The following TPM2 variants were observed in gnomAD, a reference collection of about 807,000 sequenced individuals.
TPM2 encodes the protein tropomyosin 2, also known as tropomyosin beta chain.
A neutral mutation model predicts 41.0 loss-of-function variants in TPM2; 26 were observed. The observed-to-expected ratio is 0.63, with a 90% CI of 0.46 to 0.88. TPM2 has a LOEUF of 0.88. Among genes scored for constraint, TPM2 ranks in the 40% least tolerant of loss-of-function variants. The probability of loss-of-function intolerance (pLI) is 0.00; values close to 1 mark genes in which losing one functional copy is unlikely to be tolerated. For missense variants in TPM2, 187 were observed against 355.2 expected, an observed-to-expected ratio of 0.53 and a Z score of 3.81; for synonymous variants, 143 against 139.3, an observed-to-expected ratio of 1.03 and a Z score of -0.19.
rs1317075931 is a variant in TPM2 at position 35,689,003 on chromosome 9, C to T, written c.240+143G>A. 4.1e-6 allele frequency: 4 copies of T among 975,070 alleles called. No individual in the cohort carries two copies. The East Asian group carries it at 9.7e-5, about 24-fold the overall frequency. 60.4% of individuals were successfully genotyped at this position (975,070 alleles called of 1,614,324 possible). ...GATTACTTGTGTAAGTTTACCCTAG[C>T]CCTGGTTACTGAGATGAAACCATTT... On this transcript the variant is annotated intron_variant, in intron 2 of 8. Coordinates refer to ENST00000645482, the MANE Select transcript of TPM2 (RefSeq NM_003289.4).
In TPM2 at chr9:35,689,903, G is replaced by A. The variant is rs1441223471; in HGVS notation, c.-86C>T. On this transcript the variant is annotated 5_prime_UTR_variant, in exon 1 of 9. Coordinates refer to ENST00000645482, the MANE Select transcript of TPM2 (RefSeq NM_003289.4). ...GAGCGGACTGGGTGCACCGGTGGCA[G>A]GCGAGGAGGACGGAGCGGGACTGGG... The A allele has an allele frequency of 1.8e-5, 29 of 1,605,784 alleles. No homozygotes were observed. Among genetic ancestry groups the A allele is most frequent in the Middle Eastern group, 1.6e-4 (1 of 6,062 alleles).
chr9:35,689,023 C>A, intron 2 of TPM2, 123 bp downstream of exon 2: 1 of 1,199,268 alleles, frequency 8.3e-7, no homozygotes. Context: ...TGAGATGAAA[C>A]CATTTCTCTC....
At chr9:35,682,212 A>T, downstream of TPM2, 3 of 1,597,758 alleles carry the variant, frequency 1.9e-6, no homozygotes, top group Non-Finnish European at 1.7e-6. Flanking sequence ...CAAGGGGGAG[A>T]CGTGGGGAGG....
rs748423632 is a variant in TPM2 at position 35,689,841 on chromosome 9, C to T, written c.-24G>A. 4 of 1,613,092 alleles carry T rather than the reference C, an allele frequency of 2.5e-6. No individual in the cohort carries two copies. The Admixed American group carries it at 6.7e-5, about 27-fold the overall frequency. ...ATGGCTGCGGTGGGGGGTGGGCCGG[C>T]CGGCAGGCGGTGAGGACCGGACGGA... On this transcript the variant is annotated 5_prime_UTR_variant, in exon 1 of 9. Coordinates refer to ENST00000645482, the MANE Select transcript of TPM2 (RefSeq NM_003289.4).
chr9:35,687,416 C>G (rs907792205), intron 2 of TPM2, among the ~76,000 whole-genome samples: 1 of 152,024 alleles, frequency 6.6e-6, no homozygotes, highest in Non-Finnish European at 1.5e-5. Context: ...ACACAGAGAC[C>G]CTGAGATTTC....
At chr9:35,683,770 T>C (rs557078527) in intron 8 of TPM2, among the ~76,000 whole-genome samples, 2 of 152,376 alleles carry the variant, frequency 1.3e-5, no homozygotes, top group East Asian at 3.9e-4. Flanking sequence ...AAATAGTGTT[T>C]TCTATTAGTG....
chr9:35,682,676 G>A, downstream of TPM2: 2 of 1,311,704 alleles, frequency 1.5e-6, no homozygotes, highest in Non-Finnish European at 2.0e-6. Flanking sequence ...CCAGCTAAGT[G>A]CTCTGAGGTC....
In TPM2 at chr9:35,683,161, A is replaced by C; in HGVS notation, c.853T>G (p.Ter285GlyextTer?). ...DNALNDITSL[*>G] ...AGGTGGCCACGCTGGCGTGGGGCTC[A>C]GAGGGAGGTGATGTCATTGAGTGCG... The change falls in exon 9 of 9, where the codon TGA (stop) becomes GGA (glycine). Residue 285 changes from the stop codon to glycine, a stop_lost. Transcript: ENST00000645482. 1 of 1,552,934 alleles carries C rather than the reference A, an allele frequency of 6.4e-7. No individual in the cohort carries two copies. Among genetic ancestry groups the C allele is most frequent in the Non-Finnish European group, 8.7e-7 (1 of 1,147,130 alleles).
At chr9:35,689,575 G>T (rs1825134312) in intron 1 of TPM2, 129 bp downstream of exon 1, 1 of 1,538,050 alleles carries the variant, frequency 6.5e-7, no homozygotes. Flanking sequence ...AGGGTACTGC[G>T]AAGGCCCAGC....
intron 8 of TPM2, chr9:35,683,938 A>G (rs1824722952): frequency 4.9e-6 from 2 of 408,260 alleles, no homozygotes; most frequent in African/African-American, 4.1e-5. Flanking sequence ...AGTACCAGAG[A>G]ACTAGCTAGA....
At position 35,685,664 on chromosome 9, in the gene TPM2, C is replaced by G. The variant is rs376028030; in HGVS notation, c.357G>C (p.Ala119=). 6.2e-7 allele frequency: 1 copy of G among 1,614,094 alleles called. No homozygotes were observed. The highest frequency in any genetic ancestry group is 8.5e-7 in the Non-Finnish European group (1 of 1,180,018). Residue 119 remains alanine, a synonymous_variant, in exon 3 of 9, where the codon GCG becomes GCC. Coordinates refer to ENST00000645482, the MANE Select transcript of TPM2 (RefSeq NM_003289.4). This position sits in a 1 kb window ranked among gnomAD's most constrained non-coding sequence, Gnocchi z 5.0. The part of the protein sequence containing the change: ...ALQKLEEAEK[A]ADESERGMKV... The stretch of plus-strand genomic sequence containing the variant: ...CTGACCACCTCTCGCTCTCATCAGC[C>G]GCCTTCTCGGCCTCCTCCAGCTTCT...
Position 35,685,349 on chromosome 9 carries a change from G to A in TPM2, c.493-10C>T, listed in dbSNP as rs770755856. ...CCAGCTTCCTGGCCACCTGTGGGGA[G>A]TGAGAAAGAGAGGGTAGATCAGTGG... On this transcript the variant is annotated splice_polypyrimidine_tract_variant and intron_variant, in intron 4 of 8. Transcript: ENST00000645482. This position sits in a 1 kb window ranked among gnomAD's most constrained non-coding sequence, Gnocchi z 5.0. The A allele has an allele frequency of 1.1e-5, 18 of 1,613,204 alleles. No homozygotes were observed. The highest frequency in any genetic ancestry group is 1.4e-5 in the Non-Finnish European group (17 of 1,180,010).
chr9:35,683,103 A>G lies in TPM2; in HGVS notation c.*56T>C, dbSNP rs1370462336. ...CTCCTGCCTGCTCCCCTCCCCATAG[A>G]GAGAATGGAAAGGAGAGGAGAGAAG... On this transcript the variant is annotated 3_prime_UTR_variant, in exon 9 of 9. Transcript: ENST00000645482. 1.9e-6 allele frequency: 3 copies of G among 1,551,576 alleles called. No individual in the cohort carries two copies. In the East Asian group the frequency reaches 7.3e-5, roughly 38 times the overall value.
At chr9:35,682,109 T>A (rs761096174), downstream of TPM2, 2 of 1,614,192 alleles carry the variant, frequency 1.2e-6, no homozygotes, top group Non-Finnish European at 1.7e-6. Flanking sequence ...CAGCAGGGTC[T>A]GGTCCAAGGT....
chr9:35,687,776 C>A (rs200000757), intron 2 of TPM2, among the ~76,000 whole-genome samples: 1 of 151,750 alleles, frequency 6.6e-6, no homozygotes. Flanking sequence ...GGTGGGGTGA[C>A]AAAAGACTCT....
At chr9:35,686,333 T>C (rs1563929876) in intron 2 of TPM2, 1 of 175,604 alleles carries the variant, frequency 5.7e-6, no homozygotes, top group Non-Finnish European at 1.2e-5. Flanking sequence ...TGTGCACAGT[T>C]AGTCTCCCAA....
Position 35,685,550 on chromosome 9 carries a change from C to G in TPM2, c.376G>C (p.Gly126Arg), listed in dbSNP as rs1255616100. 6.2e-7 allele frequency: 1 copy of G among 1,614,214 alleles called. No homozygotes were observed. Among genetic ancestry groups the G allele is most frequent in the East Asian group, 2.2e-5 (1 of 44,878 alleles). Reference sequence around the variant, plus strand: ...GCCCGGTTTTCGATGACCTTCATTCCTCTGAAAGGCAGGGAGAGGGTGAGC... The same window carrying G: ...GCCCGGTTTTCGATGACCTTCATTCGTCTGAAAGGCAGGGAGAGGGTGAGC... ...AEKAADESER[G>R]MKVIENRAMK... is the part of the protein sequence containing the mutation. The change falls in exon 4 of 9, where the codon GGA becomes CGA. Residue 126 changes from glycine to arginine, a missense_variant and splice_region_variant. Transcript: ENST00000645482. This position sits in a 1 kb window ranked among gnomAD's most constrained non-coding sequence, Gnocchi z 5.0.
downstream of TPM2, chr9:35,682,345 C>A (rs142910235): frequency 7.4e-6 from 7 of 950,074 alleles, no homozygotes; most frequent in Non-Finnish European, 9.6e-6. Flanking sequence ...GGGAACAGGA[C>A]GGACGTGGAT....
At chr9:35,689,317 G>A (rs772313369) in intron 1 of TPM2, 46 bp from the exon 2 acceptor site, 12 of 1,612,410 alleles carry the variant, frequency 7.4e-6, no homozygotes, top group Non-Finnish European at 1.0e-5. Flanking sequence ...GGGGGCCCAG[G>A]CCCAGAATGG....
Sources: allele counts gnomAD v4.1 joint callset (sites outside exome capture counted in the v4.1 genomes callset), GRCh38; gene constraint gnomAD v4.1.1; non-coding constraint Gnocchi (gnomAD v3.1); transcripts MANE v1.5; gene names NCBI Gene and HGNC (gene_info 2026-07-23, HGNC 2026-07-21).